Variants in LBX2 observed in about 807,000 individuals in gnomAD.
The protein encoded by LBX2 is ladybird homeobox 2.
In LBX2, 6 loss-of-function variants were observed where a neutral mutation model predicts 7.5. That is an observed-to-expected ratio of 0.80 (90% CI 0.44 to 1.59). The LOEUF (loss-of-function observed/expected upper bound fraction) is 1.59, where lower values mean the gene tolerates loss of function less well. Ranked by LOEUF, LBX2 falls within the 40% of genes most tolerant of loss-of-function variation. The pLI is 0.01. For missense variants in LBX2, 281 were observed against 282.0 expected (o/e 1.00, Z 0.03); for synonymous variants, 143 against 133.2 (o/e 1.07, Z -0.51).
chr2:74,501,235 C>G (rs961338929), upstream of LBX2, among the ~76,000 whole-genome samples: 1 of 152,182 alleles, frequency 6.6e-6, no homozygotes, highest in Non-Finnish European at 1.5e-5. Context: ...TGGTGGAAAG[C>G]TGAGCTGCCT....
upstream of LBX2, chr2:74,502,763 G>A (rs144078336): frequency 2.4e-5 from 38 of 1,613,974 alleles, no homozygotes; most frequent in Non-Finnish European, 3.1e-5. This position sits in a 1 kb window ranked among gnomAD's most constrained non-coding sequence, Gnocchi z 5.4. Flanking sequence ...CGTGCGGGCC[G>A]GGAAGCAGCC....
chr2:74,499,795 A>C, upstream of LBX2: 1 of 563,030 alleles, frequency 1.8e-6, no homozygotes. This position sits in a 1 kb window ranked among gnomAD's most constrained non-coding sequence, Gnocchi z 4.6. Flanking sequence ...CAAACTACCC[A>C]CCAGAGCAGG....
In LBX2 at chr2:74,497,896, C is replaced by T; in HGVS notation, c.*31G>A. The T allele has an allele frequency of 6.6e-7, 1 of 1,516,562 alleles. No homozygotes were observed. The highest frequency in any genetic ancestry group is 8.8e-7 in the Non-Finnish European group (1 of 1,131,488). The allele number at this position is 1,516,562 out of a possible 1,614,324, so 93.9% of individuals were successfully genotyped here. ...AGCGCGAGGTGAGGAGTCCAGGGCC[C>T]CAGAGCCCAGGATTGGCGGCGGCTT... On this transcript the variant is annotated 3_prime_UTR_variant, in exon 2 of 2. Transcript: ENST00000377566.
chr2:74,502,632 G>T, upstream of LBX2: 3 of 1,597,996 alleles, frequency 1.9e-6, no homozygotes, highest in East Asian at 2.2e-5. The surrounding 1 kb of genome is among the most constrained non-coding windows in gnomAD (Gnocchi z 5.4). Context: ...GCGCTACTGC[G>T]GAGTGAACCG....
chr2:74,499,682 C>G, upstream of LBX2: 1 of 794,274 alleles, frequency 1.3e-6, no homozygotes, highest in Non-Finnish European at 1.9e-6. This position sits in a 1 kb window ranked among gnomAD's most constrained non-coding sequence, Gnocchi z 4.6. Flanking sequence ...CCTCCTCCTG[C>G]GCCCCCACCT....
At position 74,498,060 on chromosome 2, in the gene LBX2, C is replaced by A. The variant is rs2104300691; in HGVS notation, c.464G>T (p.Arg155Leu). ...EEMRADVASLRALSPEVLCSL... is the reference protein window; with the variant it reads ...EEMRADVASLLALSPEVLCSL... Reference sequence around the variant, plus strand: ...GCACAGGACTTCCGGGGACAACGCGCGTAGCGAGGCGACGTCGGCGCGCAT... The same window carrying A: ...GCACAGGACTTCCGGGGACAACGCGAGTAGCGAGGCGACGTCGGCGCGCAT... The change falls in exon 2 of 2, where the codon CGC becomes CTC. Residue 155 changes from arginine (R) to leucine (L), a missense_variant. Physicochemically the swap from Arg to Leu is moderately radical, Grantham distance 102. Transcript: ENST00000377566. 6.2e-7 allele frequency: 1 copy of A among 1,613,576 alleles called. No homozygotes were observed. The highest frequency in any genetic ancestry group is 8.5e-7 in the Non-Finnish European group (1 of 1,179,844).
intron 1 of LBX2, chr2:74,498,840 G>A (rs1438593530): frequency 1.0e-5 from 2 of 195,946 alleles, no homozygotes; most frequent in African/African-American, 2.3e-5. Flanking sequence ...TACAGAGAGC[G>A]AGAAAAGGCA....
intron 1 of LBX2, chr2:74,498,643 T>A: frequency 2.7e-6 from 1 of 377,282 alleles, no homozygotes; most frequent in Admixed American, 4.3e-5. Flanking sequence ...TTTAGGAGCC[T>A]CAGGCTGAGC....
chr2:74,502,709 C>G (rs762300955), upstream of LBX2: 1 of 1,614,096 alleles, frequency 6.2e-7, no homozygotes, highest in South Asian at 1.1e-5. This position sits in a 1 kb window ranked among gnomAD's most constrained non-coding sequence, Gnocchi z 5.4. Flanking sequence ...GCCCTGGACG[C>G]TGTTTTGCAA....
At position 74,497,913 on chromosome 2, in the gene LBX2, C is replaced by G; in HGVS notation, c.*14G>C. On this transcript the variant is annotated 3_prime_UTR_variant, in exon 2 of 2. Coordinates refer to ENST00000377566, the MANE Select transcript of LBX2 (RefSeq NM_001282430.2). ...CCAGGGCCCCAGAGCCCAGGATTGGCGGCGGCTTTGTCTTCAATCGTCCAC... is the reference window on the plus strand; with the variant it reads ...CCAGGGCCCCAGAGCCCAGGATTGGGGGCGGCTTTGTCTTCAATCGTCCAC... 6.5e-7 allele frequency: 1 copy of G among 1,533,874 alleles called. No homozygotes were observed. Among genetic ancestry groups the G allele is most frequent in the South Asian group, 1.3e-5 (1 of 79,386 alleles).
upstream of LBX2, among the ~76,000 whole-genome samples, chr2:74,499,964 G>T (rs994995861): frequency 5.9e-5 from 9 of 152,218 alleles, no homozygotes; most frequent in Non-Finnish European, 1.0e-4. The surrounding 1 kb of genome is among the most constrained non-coding windows in gnomAD (Gnocchi z 4.6). Context: ...AGCGGCTGGG[G>T]ATTTGCAAAG....
In LBX2 at chr2:74,498,294, C is replaced by G. The variant is rs1356658131; in HGVS notation, c.230G>C (p.Gly77Ala). 1 of 1,558,266 alleles carries G rather than the reference C, an allele frequency of 6.4e-7. No individual in the cohort carries two copies. The highest frequency in any genetic ancestry group is 8.7e-7 in the Non-Finnish European group (1 of 1,155,576). The change falls in exon 2 of 2, where the codon GGC becomes GCC. Residue 77 changes from glycine to alanine, a missense_variant. By Grantham distance (60) the Gly-to-Ala change is moderately conservative. Transcript: ENST00000377566. ...SEGRAGPDAL[G>A]PGPFGRKRRK... The stretch of plus-strand genomic sequence containing the variant: ...CCGTTTGCGGCCGAAGGGACCAGGG[C>G]CCAGCGCGTCCGGACCTGCCCGCCC...
chr2:74,502,758 G>A (rs772856045), upstream of LBX2: 18 of 1,613,930 alleles, frequency 1.1e-5, no homozygotes, highest in African/African-American at 2.7e-5. The surrounding 1 kb of genome is among the most constrained non-coding windows in gnomAD (Gnocchi z 5.4). Context: ...CCGGGCGTGC[G>A]GGCCGGGAAG....
chr2:74,500,343 G>T (rs1195515387), upstream of LBX2, among the ~76,000 whole-genome samples: 2 of 152,200 alleles, frequency 1.3e-5, no homozygotes, highest in African/African-American at 4.8e-5. Context: ...GTCTTTGTCA[G>T]TGAGGACTGG....
chr2:74,497,894 C>T lies in LBX2; in HGVS notation c.*33G>A. The stretch of plus-strand genomic sequence containing the variant: ...AGAGCGCGAGGTGAGGAGTCCAGGG[C>T]CCCAGAGCCCAGGATTGGCGGCGGC... On this transcript the variant is annotated 3_prime_UTR_variant, in exon 2 of 2. Coordinates refer to ENST00000377566, the MANE Select transcript of LBX2 (RefSeq NM_001282430.2). 6.6e-7 allele frequency: 1 copy of T among 1,512,718 alleles called. No homozygotes were observed. 93.7% of individuals were successfully genotyped at this position (1,512,718 alleles called of 1,614,324 possible).
At chr2:74,500,338 T>C (rs1284885809), upstream of LBX2, among the ~76,000 whole-genome samples, 2 of 152,088 alleles carry the variant, frequency 1.3e-5, no homozygotes, top group Admixed American at 1.3e-4. Context: ...GAGGGGTCTT[T>C]GTCAGTGAGG....
chr2:74,497,989 C>G lies in LBX2; in HGVS notation c.535G>C (p.Gly179Arg), dbSNP rs777056738. ...GGCCGGGAGTCAGGGCCGGCAGGGC[C>G]GAGGCAGAGGCCGGGATCTGGAGCG... ...EGAPDPGLCL[G>R]PAGPDSRPHL... is the part of the protein sequence containing the mutation. Residue 179 changes from glycine (G) to arginine (R), a missense_variant, in exon 2 of 2, where the codon GGC becomes CGC. Gly to Arg is a moderately radical substitution (Grantham distance 125). This residue lies in a region of LBX2 where 59 missense variants were observed against 52.9 expected (regional missense o/e 1.11). Coordinates refer to ENST00000377566, the MANE Select transcript of LBX2 (RefSeq NM_001282430.2). 8.7e-6 allele frequency: 14 copies of G among 1,607,224 alleles called. No homozygotes were observed. Among genetic ancestry groups the G allele is most frequent in the Non-Finnish European group, 1.1e-5 (13 of 1,175,068 alleles).
In LBX2 at chr2:74,499,049, A is replaced by C; in HGVS notation, c.205+284T>G. 2.0e-6 allele frequency: 1 copy of C among 499,436 alleles called. No homozygotes were observed. 30.9% of individuals were successfully genotyped at this position (499,436 alleles called of 1,614,324 possible). On this transcript the variant is annotated intron_variant, in intron 1 of 1. Transcript: ENST00000377566. The surrounding 1 kb of genome is among the most constrained non-coding windows in gnomAD (Gnocchi z 4.6). ...GTCTCTTTCTCTCCTGCCTTTCTCT[A>C]TCGCGATTGCCCCGCCTACAAGGAA...
At chr2:74,502,993 G>A (rs745364583), upstream of LBX2, 27 of 737,088 alleles carry the variant, frequency 3.7e-5, no homozygotes, top group Non-Finnish European at 5.8e-5. This position sits in a 1 kb window ranked among gnomAD's most constrained non-coding sequence, Gnocchi z 5.4. Flanking sequence ...GGTGGGCAGG[G>A]GCAAGGTTTG....
Sources: gnomAD v4.1 joint callset for allele counts (sites outside exome capture counted in the v4.1 genomes callset) on GRCh38, gnomAD v4.1.1 for gene constraint, gnomAD v4.1.1 regional missense constraint, Gnocchi (gnomAD v3.1) non-coding constraint, MANE v1.5 for transcripts, NCBI Gene and HGNC (gene_info 2026-07-23, HGNC 2026-07-21) for gene names.